The following TMEM41B variants were observed in gnomAD, a reference collection of about 807,000 sequenced individuals.
TMEM41B encodes transmembrane protein 41B.
A neutral mutation model predicts 31.9 loss-of-function variants in TMEM41B; 18 were observed. The observed-to-expected ratio is 0.56, with a 90% CI of 0.39 to 0.84. The LOEUF is 0.84. TMEM41B is among the 40% of genes least tolerant of loss of function. TMEM41B has a pLI of 0.00. For missense variants in TMEM41B, 322 were observed against 348.0 expected (o/e 0.93, Z 0.59); for synonymous variants, 144 against 124.3 (o/e 1.16, Z -1.05).
intron 2 of TMEM41B, among the ~76,000 whole-genome samples, chr11:9,297,233 C>T (rs1169144196): frequency 1.3e-5 from 2 of 152,156 alleles, no homozygotes; most frequent in African/African-American, 2.4e-5. Flanking sequence ...TACGGGCGCC[C>T]GCCACCACGC....
At chr11:9,299,426 T>C (rs1488747871) in intron 2 of TMEM41B, among the ~76,000 whole-genome samples, 158 bp downstream of exon 2, 3 of 151,772 alleles carry the variant, frequency 2.0e-5, no homozygotes, top group African/African-American at 7.3e-5. Context: ...TTTTGCCGTG[T>C]TGCCCAGGCT....
Position 9,288,475 on chromosome 11 carries a change from A to G in TMEM41B, c.429T>C (p.Tyr143=). ...CAAGAAATAAGGCTAGTGGAAAGGG[A>G]TAAAGAAACCCTGAGAGTATACTGA... is the stretch of plus-strand genomic sequence containing the variant. ...IFLSILSGFL[Y]PFPLALFLVC... is the part of the protein sequence containing the mutation. Residue 143 remains tyrosine (Y), a synonymous_variant, in exon 4 of 7, where the codon TAT becomes TAC. Coordinates refer to ENST00000528080, the MANE Select transcript of TMEM41B (RefSeq NM_015012.4). 1 of 1,595,134 alleles carries G rather than the reference A, an allele frequency of 6.3e-7. No individual in the cohort carries two copies. The highest frequency in any genetic ancestry group is 8.5e-7 in the Non-Finnish European group (1 of 1,174,268).
chr11:9,291,992 C>T (rs1003984599), intron 3 of TMEM41B, among the ~76,000 whole-genome samples: 2 of 152,182 alleles, frequency 1.3e-5, no homozygotes, highest in African/African-American at 4.8e-5. Flanking sequence ...AGGTGTTAGC[C>T]ACCGTGCCTG....
intron 1 of TMEM41B, among the ~76,000 whole-genome samples, chr11:9,301,565 C>T (rs1853260857): frequency 6.6e-6 from 1 of 152,030 alleles, no homozygotes; most frequent in African/African-American, 2.4e-5. Context: ...GCTGCTCTGC[C>T]CCATCTCCCT....
chr11:9,305,116 G>A (rs911111527), intron 1 of TMEM41B, among the ~76,000 whole-genome samples: 18 of 151,976 alleles, frequency 1.2e-4, no homozygotes, highest in South Asian at 4.2e-4. Context: ...AACACAAACC[G>A]TTTTCACAAG....
At chr11:9,295,415 A>T (rs1414968031) in intron 2 of TMEM41B, 28 bp from the exon 3 acceptor site, 1 of 1,418,090 alleles carries the variant, frequency 7.1e-7, no homozygotes, top group African/African-American at 1.4e-5. Flanking sequence ...AAAATTTTAG[A>T]ACAGAATTTT....
At chr11:9,312,773 G>A (rs1204493539) in intron 1 of TMEM41B, among the ~76,000 whole-genome samples, 1 of 151,896 alleles carries the variant, frequency 6.6e-6, no homozygotes, top group Admixed American at 6.6e-5. Flanking sequence ...GCGTGGTGGT[G>A]GGCGCCTGTA....
rs540936646 is a variant in TMEM41B, at chr11:9,312,933, T to C, written c.121+1388A>G. Among the ~76,000 whole-genome samples, 1,377 of 140,756 alleles carry C rather than the reference T, an allele frequency of 9.8e-3. 28 individuals are homozygous for C. Among genetic ancestry groups the C allele is most frequent in the Non-Finnish European group, 9.5e-3 (628 of 65,802 alleles). The allele number at this position is 140,756 out of a possible 152,430, so 92.3% of individuals were successfully genotyped here. A position where few individuals can be genotyped will look rare whatever the true frequency, so the allele number is the denominator to read the frequency against. ...AAAAAAAAAAAAAAAAGAATAATTG[T>C]GTTGAATGTTTTGTTGTAATGATAA... On this transcript the variant is annotated intron_variant, in intron 1 of 6. Coordinates refer to ENST00000528080, the MANE Select transcript of TMEM41B (RefSeq NM_015012.4).
chr11:9,299,282 CAAA>C (rs1180036082), intron 2 of TMEM41B, among the ~76,000 whole-genome samples: 1 of 41,712 alleles, frequency 2.4e-5, no homozygotes, highest in East Asian at 9.7e-4. Flanking sequence ...GACTCTGTCT[CAAA>C]AAAAAAAAAA....
At chr11:9,286,679 C>T (rs1852844668) in intron 5 of TMEM41B, 86 bp from the exon 6 acceptor site, 2 of 1,339,722 alleles carry the variant, frequency 1.5e-6, no homozygotes, top group Non-Finnish European at 2.0e-6. Context: ...TTCAAATTCT[C>T]ATTCCTGATA....
chr11:9,302,046 G>A (rs1172250816), intron 1 of TMEM41B, among the ~76,000 whole-genome samples: 12 of 125,852 alleles, frequency 9.5e-5, no homozygotes, highest in Admixed American at 8.8e-4. Flanking sequence ...CTGCTCAGTC[G>A]CCCAGGCTGG....
intron 1 of TMEM41B, among the ~76,000 whole-genome samples, chr11:9,306,205 C>T (rs1035581347): frequency 6.6e-6 from 1 of 151,756 alleles, no homozygotes; most frequent in Non-Finnish European, 1.5e-5. Context: ...TCTCGAACCC[C>T]TGACCTCAGG....
At chr11:9,292,391 T>C (rs1028133827) in intron 3 of TMEM41B, among the ~76,000 whole-genome samples, 4 of 152,168 alleles carry the variant, frequency 2.6e-5, no homozygotes, top group African/African-American at 9.7e-5. Context: ...AGTTGCCTAT[T>C]TGTGCTTTAT....
In TMEM41B at chr11:9,288,683, A is replaced by G. The variant is rs565578707; in HGVS notation, c.369-148T>C. ...CTAGCCTCTAAGTTGACCATTTACT[A>G]AACAGTATCATAAATACTAGTAAGT... On this transcript the variant is annotated intron_variant, in intron 3 of 6. Coordinates refer to ENST00000528080, the MANE Select transcript of TMEM41B (RefSeq NM_015012.4). 1.8e-4 allele frequency: 97 copies of G among 550,440 alleles called. No homozygotes were observed. The East Asian group carries it at 2.9e-3, about 16-fold the overall frequency. 34.1% of individuals were successfully genotyped at this position (550,440 alleles called of 1,614,324 possible). A position where few individuals can be genotyped will look rare whatever the true frequency, so the allele number is the denominator to read the frequency against.
chr11:9,284,110 A>G (rs543035268), intron 6 of TMEM41B, among the ~76,000 whole-genome samples: 107 of 151,854 alleles, frequency 7.0e-4, no homozygotes, highest in African/African-American at 2.3e-3. Context: ...AAAACGCAAG[A>G]AAAGGGCCCA....
At position 9,283,563 on chromosome 11, in the gene TMEM41B, T is replaced by C. The variant is rs1303134778; in HGVS notation, c.737A>G (p.Lys246Arg). Residue 246 changes from lysine to arginine, a missense_variant, in exon 7 of 7, where the codon AAG becomes AGG. Physicochemically the swap from Lys to Arg is conservative, Grantham distance 26 (BLOSUM62 2). This residue lies in a region of TMEM41B where 92 missense variants were observed against 88.0 expected (regional missense o/e 1.05). Transcript: ENST00000528080. ...AAGTTGATACAGTGTTGTTCCTGCC[T>C]TAATGGCTACAAAAGAAGGAGGTGC... ...GVAPPSFVAIKAGTTLYQLTT... is the reference protein window; with the variant it reads ...GVAPPSFVAIRAGTTLYQLTT... 6.2e-7 allele frequency: 1 copy of C among 1,607,970 alleles called. No individual in the cohort carries two copies. Among genetic ancestry groups the C allele is most frequent in the Non-Finnish European group, 8.5e-7 (1 of 1,178,566 alleles).
intron 2 of TMEM41B, 83 bp from the exon 3 acceptor site, chr11:9,295,470 C>A: frequency 2.6e-6 from 2 of 762,334 alleles, no homozygotes; most frequent in East Asian, 2.6e-5. Flanking sequence ...AAGTTTTATC[C>A]AAAATGATTT....
At chr11:9,305,527 G>A (rs889503858) in intron 1 of TMEM41B, among the ~76,000 whole-genome samples, 1 of 152,202 alleles carries the variant, frequency 6.6e-6, no homozygotes, top group African/African-American at 2.4e-5. Context: ...TGGAACCTGG[G>A]AGGTGGAGGT....
chr11:9,298,166 A>G (rs563561293), intron 2 of TMEM41B, among the ~76,000 whole-genome samples: 1 of 151,994 alleles, frequency 6.6e-6, no homozygotes, highest in Admixed American at 6.6e-5. Flanking sequence ...TATAAAACTA[A>G]AAAGACTCTA....
Sources: allele counts gnomAD v4.1 joint callset (sites outside exome capture counted in the v4.1 genomes callset), GRCh38; gene constraint gnomAD v4.1.1; regional missense constraint gnomAD v4.1.1; transcripts MANE v1.5; gene names NCBI Gene and HGNC (gene_info 2026-07-23, HGNC 2026-07-21).